Variants in CLVS1 observed in about 807,000 individuals in gnomAD.
CLVS1 encodes clavesin 1.
CLVS1 carries 10 observed loss-of-function variants against 33.1 expected under a neutral mutation model. The ratio of observed to expected loss-of-function variants is 0.30; its 90% CI spans 0.19 to 0.51. CLVS1 has a LOEUF of 0.51. CLVS1 is among the 20% of genes least tolerant of loss of function. CLVS1 has a pLI of 0.97. For missense variants in CLVS1, 343 were observed against 433.4 expected, an observed-to-expected ratio of 0.79 and a Z score of 1.85; for synonymous variants, 163 against 166.1, an observed-to-expected ratio of 0.98 and a Z score of 0.14.
intron 1 of CLVS1, among the ~76,000 whole-genome samples, chr8:61,127,693 A>C (rs746725296): frequency 2.1e-4 from 32 of 152,210 alleles, no homozygotes; most frequent in Non-Finnish European, 3.4e-4. Flanking sequence ...AACTGATAAG[A>C]TATATCTTTG....
chr8:60,970,491 G>A, the CLVS1 span, among the ~76,000 whole-genome samples: 1 of 152,164 alleles, frequency 6.6e-6, no homozygotes, highest in African/African-American at 2.4e-5. Context: ...TTAATTTTTT[G>A]CAACCTTATG....
At chr8:61,097,998 A>G (rs72654628) in intron 1 of CLVS1, among the ~76,000 whole-genome samples, 22,299 of 152,156 alleles carry the variant, frequency 0.15, 1,916 homozygotes, top group East Asian at 0.22. Context: ...CTACAAAAAA[A>G]TTTAAAAAAA....
intron 1 of CLVS1, among the ~76,000 whole-genome samples, chr8:61,057,484 A>G (rs1585576399): frequency 6.6e-6 from 1 of 151,962 alleles, no homozygotes. Context: ...GCCATGCCTG[A>G]GTACATGTTG....
At chr8:61,047,799 C>T in the CLVS1 span, among the ~76,000 whole-genome samples, 7 of 151,698 alleles carry the variant, frequency 4.6e-5, no homozygotes, top group East Asian at 1.9e-4. Flanking sequence ...TTGTGGGTTG[C>T]GGGGAGCGGG....
chr8:61,208,572 A>G (rs1807904895), intron 2 of CLVS1, among the ~76,000 whole-genome samples: 1 of 152,130 alleles, frequency 6.6e-6, no homozygotes, highest in African/African-American at 2.4e-5. Context: ...ATAATTTACT[A>G]GATTGACTGC....
chr8:61,357,500 T>TTTTTTTTTTTTTTTTC (rs1812780732), intron 2 of CLVS1, among the ~76,000 whole-genome samples: 1 of 98,304 alleles, frequency 1.0e-5, no homozygotes, highest in African/African-American at 4.3e-5. Context: ...TTTTCTTTTT[T>TTTTTTTTTTTTTTTTC]TTTTTTTTTT....
At chr8:61,246,207 C>T (rs1808807028) in intron 2 of CLVS1, among the ~76,000 whole-genome samples, 1 of 85,498 alleles carries the variant, frequency 1.2e-5, no homozygotes, top group Non-Finnish European at 2.3e-5. Flanking sequence ...GAGACGGAGT[C>T]TCACTCTGTC....
intron 3 of CLVS1, among the ~76,000 whole-genome samples, chr8:61,389,779 A>G (rs1814229181): frequency 6.6e-6 from 1 of 152,232 alleles, no homozygotes. Context: ...ACGGAAGTGC[A>G]TAAAATATTA....
the CLVS1 span, among the ~76,000 whole-genome samples, chr8:61,037,445 G>T: frequency 2.6e-5 from 4 of 152,154 alleles, no homozygotes; most frequent in African/African-American, 9.7e-5. Context: ...CAGCCATGTT[G>T]CAGGAAGTGA....
chr8:61,293,668 T>C (rs1249521676), intron 1 of CLVS1, among the ~76,000 whole-genome samples: 3 of 152,192 alleles, frequency 2.0e-5, no homozygotes, highest in Non-Finnish European at 4.4e-5. Context: ...AAAATTCATA[T>C]TCAATTTAAA....
At chr8:61,232,024 T>TTTGTTTGTTTGTTTG (rs1808448261) in intron 2 of CLVS1, among the ~76,000 whole-genome samples, 4 of 93,566 alleles carry the variant, frequency 4.3e-5, no homozygotes, top group African/African-American at 1.7e-4. Flanking sequence ...AAAGTTGTGG[T>TTTGTTTGTTTGTTTG]TTTTTTTTTT....
At position 61,111,482 on chromosome 8, in the gene CLVS1, C is replaced by A. The variant is rs187723433; in HGVS notation, c.-242-20288C>A. ...AAAATAATTGGGAATGGAAAGGAAACTGAAATCAGCATCAATTTGTGATTT... is the reference window on the plus strand; with the variant it reads ...AAAATAATTGGGAATGGAAAGGAAAATGAAATCAGCATCAATTTGTGATTT... On this transcript the variant is annotated intron_variant, in intron 1 of 2. Coordinates refer to the CLVS1 transcript ENST00000522621. Among the ~76,000 whole-genome samples the A allele has an allele frequency of 9.9e-5, 15 of 152,284 alleles. No individual in the cohort carries two copies. The East Asian group carries it at 2.3e-3, about 23-fold the overall frequency.
At chr8:61,449,288 A>G (rs1298091796) in intron 3 of CLVS1, among the ~76,000 whole-genome samples, 5 of 152,084 alleles carry the variant, frequency 3.3e-5, no homozygotes, top group Non-Finnish European at 5.9e-5. Context: ...TCCCCTTCCA[A>G]CACCATCAGT....
chr8:61,384,732 A>G (rs1294283338), intron 3 of CLVS1, among the ~76,000 whole-genome samples: 2 of 152,242 alleles, frequency 1.3e-5, no homozygotes, highest in Admixed American at 6.5e-5. Flanking sequence ...GGATGGATCC[A>G]TAGATTTGGT....
At chr8:61,251,995 T>C (rs1808959731) in intron 2 of CLVS1, among the ~76,000 whole-genome samples, 1 of 152,238 alleles carries the variant, frequency 6.6e-6, no homozygotes, top group South Asian at 2.1e-4. Context: ...TCTAGTTCTT[T>C]TAATTGTGAT....
chr8:61,280,400 G>T lies in CLVS1; in HGVS notation c.-151-19277G>T, dbSNP rs576928612. On this transcript the variant is annotated intron_variant, in intron 2 of 2. Transcript: ENST00000522621. ...ACATTGAAATATGACAACTTTTAGT[G>T]CTCCAAAAGGCCTGATAGCTCAGTC... Among the ~76,000 whole-genome samples, 29 of 152,298 alleles carry T rather than the reference G, an allele frequency of 1.9e-4. No individual in the cohort carries two copies. In the South Asian group the frequency reaches 5.6e-3, roughly 29 times the overall value.
At chr8:61,091,835 T>C (rs1429620036) in intron 1 of CLVS1, among the ~76,000 whole-genome samples, 1 of 152,220 alleles carries the variant, frequency 6.6e-6, no homozygotes, top group East Asian at 1.9e-4. Flanking sequence ...AGTATTAATA[T>C]TCTTATAAAA....
At chr8:61,104,538 G>T (rs56141423) in intron 1 of CLVS1, among the ~76,000 whole-genome samples, 1 of 152,128 alleles carries the variant, frequency 6.6e-6, no homozygotes, top group Non-Finnish European at 1.5e-5. Flanking sequence ...ATTAGTTTTA[G>T]TAATCTTTAA....
intron 3 of CLVS1, among the ~76,000 whole-genome samples, chr8:61,384,901 C>T (rs1814021258): frequency 6.6e-6 from 1 of 151,970 alleles, no homozygotes; most frequent in South Asian, 2.1e-4. Flanking sequence ...GAGATCGGGA[C>T]AGGAAGCTGT....
Sources: allele counts gnomAD v4.1 joint callset (sites outside exome capture counted in the v4.1 genomes callset), GRCh38; gene constraint gnomAD v4.1.1; transcripts MANE v1.5; gene names NCBI Gene and HGNC (gene_info 2026-07-23, HGNC 2026-07-21).